The following PHACTR1 variants were observed in gnomAD, a reference collection of about 807,000 sequenced individuals.
PHACTR1 encodes phosphatase and actin regulator 1.
Under a neutral mutation model 69.2 loss-of-function variants are expected in PHACTR1, and 16 were observed. The ratio of observed to expected loss-of-function variants is 0.23; its 90% CI spans 0.16 to 0.35. PHACTR1 has a LOEUF of 0.35. PHACTR1 is among the 10% of genes least tolerant of loss of function. The pLI, the probability that PHACTR1 is intolerant of heterozygous loss-of-function variation, is 1.00. For missense variants in PHACTR1, 510 were observed against 734.7 expected, an observed-to-expected ratio of 0.69 and a Z score of 3.54; for synonymous variants, 312 against 284.5, an observed-to-expected ratio of 1.10 and a Z score of -0.97.
intron 4 of PHACTR1, among the ~76,000 whole-genome samples, chr6:12,764,810 A>G (rs1042808045): frequency 9.2e-5 from 14 of 152,040 alleles, no homozygotes; most frequent in Non-Finnish European, 1.6e-4. Flanking sequence ...GAAGGAGAAA[A>G]TGTCTAGAGG....
chr6:12,882,251 T>A (rs968915957), intron 4 of PHACTR1, among the ~76,000 whole-genome samples: 4 of 151,958 alleles, frequency 2.6e-5, no homozygotes, highest in African/African-American at 9.7e-5. Flanking sequence ...AGTGGCTGCT[T>A]GATTGGAGAG....
At chr6:13,202,393 C>G (rs1765353188) in intron 7 of PHACTR1, among the ~76,000 whole-genome samples, 1 of 151,798 alleles carries the variant, frequency 6.6e-6, no homozygotes, top group African/African-American at 2.4e-5. Flanking sequence ...GAATCAGAGT[C>G]TTCAAATGAA....
chr6:12,845,431 C>CG lies in PHACTR1; in HGVS notation c.250+95641_250+95642insG, dbSNP rs1554149752. Among the ~76,000 whole-genome samples, 15 of 39,598 alleles carry CG rather than the reference C, an allele frequency of 3.8e-4. 1 individual carries two copies. Among genetic ancestry groups the CG allele is most frequent in the Non-Finnish European group, 6.4e-4 (10 of 15,634 alleles). The allele number at this position is 39,598 out of a possible 152,430, so 26.0% of individuals were successfully genotyped here. On this transcript the variant is annotated intron_variant, in intron 4 of 14. Transcript: ENST00000332995. ...AGATGTCATTGTGAACACCACCCAC[C>CG]CCCCCCCCCCCCGCCCTCCGTGCTG...
At chr6:13,177,511 C>T (rs755865878) in intron 6 of PHACTR1, among the ~76,000 whole-genome samples, 2 of 151,788 alleles carry the variant, frequency 1.3e-5, no homozygotes, top group Non-Finnish European at 2.9e-5. Flanking sequence ...ACTCTTGTTA[C>T]ATAGGTACCC....
At chr6:12,904,351 G>C (rs1582399563) in intron 4 of PHACTR1, among the ~76,000 whole-genome samples, 1 of 151,978 alleles carries the variant, frequency 6.6e-6, no homozygotes, top group African/African-American at 2.4e-5. Flanking sequence ...GCCCAACATG[G>C]TGAAACCCCA....
chr6:13,278,554 C>T (rs991903374), intron 12 of PHACTR1, among the ~76,000 whole-genome samples: 7 of 152,266 alleles, frequency 4.6e-5, no homozygotes, highest in Non-Finnish European at 1.0e-4. Context: ...CACCCACCTA[C>T]TTCCTAACAA....
chr6:12,925,912 C>G (rs1417069596), intron 4 of PHACTR1, among the ~76,000 whole-genome samples: 1 of 152,214 alleles, frequency 6.6e-6, no homozygotes, highest in Admixed American at 6.5e-5. Context: ...ACTCCACTTT[C>G]CATCCTAACA....
chr6:13,038,814 A>T (rs1803743777), intron 4 of PHACTR1, among the ~76,000 whole-genome samples: 1 of 152,244 alleles, frequency 6.6e-6, no homozygotes, highest in Admixed American at 6.5e-5. Flanking sequence ...AAGTTCTTAA[A>T]GACCAAGATG....
chr6:12,798,602 T>G (rs916054362), intron 4 of PHACTR1, among the ~76,000 whole-genome samples: 1 of 152,194 alleles, frequency 6.6e-6, no homozygotes, highest in African/African-American at 2.4e-5. Context: ...ACCAGCTTTT[T>G]ACTTCTGAAG....
At chr6:13,018,863 CTGTT>C (rs956885290) in intron 4 of PHACTR1, among the ~76,000 whole-genome samples, 10 of 151,706 alleles carry the variant, frequency 6.6e-5, no homozygotes, top group South Asian at 2.1e-4. Flanking sequence ...ACTCATCTAT[CTGTT>C]TGTTTATTTA....
intron 10 of PHACTR1, among the ~76,000 whole-genome samples, chr6:13,249,702 G>C (rs1017441426): frequency 1.3e-5 from 2 of 151,672 alleles, no homozygotes; most frequent in African/African-American, 4.8e-5. Context: ...AGGAGGCTGA[G>C]GCAGGAGAAT....
intron 3 of PHACTR1, among the ~76,000 whole-genome samples, chr6:12,745,353 A>T (rs944441731): frequency 6.6e-6 from 1 of 152,224 alleles, no homozygotes; most frequent in African/African-American, 2.4e-5. Context: ...GGAAAAGGAA[A>T]AGAGAAAATG....
chr6:13,055,472 T>A (rs1806629804), intron 5 of PHACTR1, among the ~76,000 whole-genome samples: 1 of 152,206 alleles, frequency 6.6e-6, no homozygotes, highest in Non-Finnish European at 1.5e-5. Flanking sequence ...AAGTAAGATG[T>A]AAGACACTGA....
At chr6:12,774,031 A>G (rs562518169) in intron 4 of PHACTR1, among the ~76,000 whole-genome samples, 1 of 152,230 alleles carries the variant, frequency 6.6e-6, no homozygotes, top group Admixed American at 6.5e-5. Context: ...GGAAGGAAAA[A>G]GAACGAGAGA....
rs553754432 is a variant in PHACTR1, at chr6:12,986,780, G to A, written c.251-66585G>A. Among the ~76,000 whole-genome samples, 13 of 152,258 alleles carry A rather than the reference G, an allele frequency of 8.5e-5. No individual in the cohort carries two copies. In the South Asian group the frequency reaches 2.1e-3, roughly 24 times the overall value. The stretch of plus-strand genomic sequence containing the variant: ...GTATGGAGAGCTTTGAAGGGGAGGC[G>A]GTATTTGAGCAGTCCTTGATCCATC... On this transcript the variant is annotated intron_variant, in intron 4 of 14. Transcript: ENST00000332995.
At chr6:12,745,814 C>T (rs1019459342) in intron 3 of PHACTR1, among the ~76,000 whole-genome samples, 4 of 152,182 alleles carry the variant, frequency 2.6e-5, no homozygotes, top group Non-Finnish European at 5.9e-5. Flanking sequence ...ATATCTGACC[C>T]TTGCATTTTT....
At chr6:13,106,128 G>A (rs1583382874) in intron 5 of PHACTR1, among the ~76,000 whole-genome samples, 1 of 151,996 alleles carries the variant, frequency 6.6e-6, no homozygotes, top group African/African-American at 2.4e-5. Context: ...CATTTCTATG[G>A]GCCTGATAAT....
Position 13,206,008 on chromosome 6 carries a change from G to A in PHACTR1, c.858G>A (p.Gln286=). 6.2e-7 allele frequency: 1 copy of A among 1,613,996 alleles called. No individual in the cohort carries two copies. The highest frequency in any genetic ancestry group is 8.5e-7 in the Non-Finnish European group (1 of 1,179,890). Residue 286 remains glutamine, a synonymous_variant, in exon 8 of 15, where the codon CAG becomes CAA. Coordinates refer to ENST00000332995, the MANE Select transcript of PHACTR1 (RefSeq NM_030948.6). ...HTVLPSQIQH[Q]LQYGSHGQHL... is the part of the protein sequence containing the mutation. ...TCCTGCCCTCCCAGATCCAGCACCA[G>A]CTGCAGTACGGCAGCCACGGCCAGC... is the stretch of plus-strand genomic sequence containing the variant.
chr6:13,206,860 G>A (rs1418031361), intron 8 of PHACTR1, among the ~76,000 whole-genome samples: 2 of 152,168 alleles, frequency 1.3e-5, no homozygotes, highest in East Asian at 3.9e-4. Flanking sequence ...CTGAGTACAC[G>A]GAGAAAACCC....
Sources: gnomAD v4.1 joint callset for allele counts (sites outside exome capture counted in the v4.1 genomes callset) on GRCh38, gnomAD v4.1.1 for gene constraint, MANE v1.5 for transcripts, NCBI Gene and HGNC (gene_info 2026-07-23, HGNC 2026-07-21) for gene names.